Variants in SMARCD3 observed in about 807,000 individuals in gnomAD.
SMARCD3 encodes the protein SWI/SNF-related matrix-associated actin-dependent regulator of chromatin subfamily D member 3.
Under a neutral mutation model 58.0 loss-of-function variants are expected in SMARCD3, and 14 were observed. The observed-to-expected ratio is 0.24, with a 90% confidence interval of 0.16 to 0.38. SMARCD3 has a LOEUF of 0.38. SMARCD3 is among the 10% of genes least tolerant of loss of function. The pLI is 1.00. For synonymous variants in SMARCD3, 253 were observed against 253.8 expected, an observed-to-expected ratio of 1.00 and a Z score of 0.03; for missense variants, 408 against 636.9, an observed-to-expected ratio of 0.64 and a Z score of 3.87.
chr7:151,262,858 G>C (rs17173770), intron 2 of SMARCD3, among the ~76,000 whole-genome samples: 59,364 of 152,072 alleles, frequency 0.39, 13,129 homozygotes, highest in African/African-American at 0.6. Context: ...CCTCTGTGAA[G>C]GTCAGGGGAG....
At chr7:151,253,708 AT>A in intron 2 of SMARCD3, among the ~76,000 whole-genome samples, 1 of 152,242 alleles carries the variant, frequency 6.6e-6, no homozygotes, top group East Asian at 1.9e-4. Context: ...CACACACCCC[AT>A]AAAAACGTGC....
chr7:151,257,451 T>G (rs890499117), intron 2 of SMARCD3, among the ~76,000 whole-genome samples: 3 of 152,136 alleles, frequency 2.0e-5, no homozygotes, highest in Non-Finnish European at 4.4e-5. Flanking sequence ...CTCAGCCTCC[T>G]GAGTAGCTGG....
chr7:151,267,844 G>T lies in SMARCD3; in HGVS notation c.39+7270C>A, dbSNP rs1048536573. Reference sequence around the variant, plus strand: ...TTAAATATATTAGCCGGGTATGGTGGTGCACACCTGTAGTTCCAGCTACTT... The same window carrying T: ...TTAAATATATTAGCCGGGTATGGTGTTGCACACCTGTAGTTCCAGCTACTT... On this transcript the variant is annotated intron_variant, in intron 2 of 13. Transcript: ENST00000356800. 1.2e-4 allele frequency among the ~76,000 whole-genome samples: 18 copies of T among 152,136 alleles called. No homozygotes were observed. In the South Asian group the frequency reaches 1.2e-3, roughly 11 times the overall value.
At chr7:151,262,353 A>T (rs2150610207) in intron 2 of SMARCD3, among the ~76,000 whole-genome samples, 1 of 152,352 alleles carries the variant, frequency 6.6e-6, no homozygotes, top group South Asian at 2.1e-4. Context: ...GAGTGTTGGG[A>T]TTACAGGCGT....
chr7:151,273,958 C>T (rs1029274644), intron 2 of SMARCD3, among the ~76,000 whole-genome samples: 1 of 152,254 alleles, frequency 6.6e-6, no homozygotes, highest in African/African-American at 2.4e-5. Context: ...ATGAGTTCCT[C>T]TGCCCACTTC....
At chr7:151,264,986 T>C (rs1042456734) in intron 2 of SMARCD3, among the ~76,000 whole-genome samples, 2 of 152,172 alleles carry the variant, frequency 1.3e-5, no homozygotes, top group African/African-American at 4.8e-5. Context: ...CTTCCTGTGA[T>C]GGGGATAGCC....
chr7:151,242,354 T>C lies in SMARCD3; in HGVS notation c.580-122A>G. ...GATGAAATCCTCTGCACTTGGAATGTCTCTAGGCCTGCCCCTCCACCCAGC... is the reference window on the plus strand; with the variant it reads ...GATGAAATCCTCTGCACTTGGAATGCCTCTAGGCCTGCCCCTCCACCCAGC... On this transcript the variant is annotated intron_variant, in intron 5 of 12. Coordinates refer to ENST00000262188, the MANE Select transcript of SMARCD3 (RefSeq NM_001003801.2). The surrounding 1 kb of genome is among the most constrained non-coding windows in gnomAD (Gnocchi z 4.7). 13 of 1,440,926 alleles carry C rather than the reference T, an allele frequency of 9.0e-6. No individual in the cohort carries two copies. Among genetic ancestry groups the C allele is most frequent in the Non-Finnish European group, 1.3e-5 (13 of 1,033,236 alleles). 89.3% of individuals were successfully genotyped at this position (1,440,926 alleles called of 1,614,324 possible).
chr7:151,239,652 A>T lies in SMARCD3; in HGVS notation c.1268T>A (p.Leu423Gln). 1 of 1,614,094 alleles carries T rather than the reference A, an allele frequency of 6.2e-7. No homozygotes were observed. The highest frequency in any genetic ancestry group is 8.5e-7 in the Non-Finnish European group (1 of 1,180,026). ...GAGGTCCCGGCTCTGGGAGCGGAGC[A>T]GGTCTTGGACATAGCCTTTGGGGTC... ...SRDPKGYVQD[L>Q]LRSQSRDLKV... The change falls in exon 11 of 13, where the codon CTG becomes CAG. Residue 423 changes from leucine to glutamine, a missense_variant. Leu to Gln is a moderately radical substitution (Grantham distance 113). Coordinates refer to ENST00000262188, the MANE Select transcript of SMARCD3 (RefSeq NM_001003801.2). This position sits in a 1 kb window ranked among gnomAD's most constrained non-coding sequence, Gnocchi z 7.0.
chr7:151,270,591 A>G (rs1396530586), intron 2 of SMARCD3, among the ~76,000 whole-genome samples: 1 of 152,172 alleles, frequency 6.6e-6, no homozygotes, highest in Non-Finnish European at 1.5e-5. Flanking sequence ...CCTCCCTGGA[A>G]GAGGTGGAAC....
intron 2 of SMARCD3, among the ~76,000 whole-genome samples, chr7:151,268,104 G>T (rs1188449101): frequency 6.6e-6 from 1 of 152,240 alleles, no homozygotes; most frequent in Non-Finnish European, 1.5e-5. Context: ...GAGGACAGGG[G>T]ACAAGTGGCA....
chr7:151,261,569 A>G (rs1314874466), intron 2 of SMARCD3, among the ~76,000 whole-genome samples: 1 of 152,232 alleles, frequency 6.6e-6, no homozygotes, highest in Admixed American at 6.5e-5. Flanking sequence ...AATTCAGCAC[A>G]GTGCCTGGCA....
chr7:151,265,344 G>T (rs1415060856), intron 2 of SMARCD3, among the ~76,000 whole-genome samples: 1 of 152,214 alleles, frequency 6.6e-6, no homozygotes, highest in Non-Finnish European at 1.5e-5. Context: ...TTCTAGCCAA[G>T]GAGAGAGGCC....
chr7:151,245,685 G>A lies in SMARCD3; in HGVS notation c.79-14C>T, dbSNP rs1803225530. 1 of 846,372 alleles carries A rather than the reference G, an allele frequency of 1.2e-6. No homozygotes were observed. Among genetic ancestry groups the A allele is most frequent in the Non-Finnish European group, 1.6e-6 (1 of 636,610 alleles). The allele number at this position is 846,372 out of a possible 1,614,324, so 52.4% of individuals were successfully genotyped here. ...CATCCCGGGGCGCTGGGGGTGGGCGGGGGTGAAGCAGAAACGGGCGCCCGT... is the reference window on the plus strand; with the variant it reads ...CATCCCGGGGCGCTGGGGGTGGGCGAGGGTGAAGCAGAAACGGGCGCCCGT... On this transcript the variant is annotated splice_polypyrimidine_tract_variant and intron_variant, in intron 1 of 12. Coordinates refer to ENST00000262188, the MANE Select transcript of SMARCD3 (RefSeq NM_001003801.2). The surrounding 1 kb of genome is among the most constrained non-coding windows in gnomAD (Gnocchi z 6.2).
At chr7:151,269,512 G>C (rs1159704109) in intron 2 of SMARCD3, among the ~76,000 whole-genome samples, 2 of 152,222 alleles carry the variant, frequency 1.3e-5, no homozygotes, top group Non-Finnish European at 2.9e-5. Flanking sequence ...GACTGCATCA[G>C]GCTGGATGGG....
intron 2 of SMARCD3, among the ~76,000 whole-genome samples, chr7:151,244,188 G>A (rs1363692985): frequency 2.6e-5 from 4 of 152,220 alleles, no homozygotes; most frequent in East Asian, 3.9e-4. Context: ...TGAAGCTGGC[G>A]GGACTTGCAC....
intron 2 of SMARCD3, among the ~76,000 whole-genome samples, chr7:151,260,217 C>T (rs1415245609): frequency 6.6e-6 from 1 of 152,162 alleles, no homozygotes; most frequent in Non-Finnish European, 1.5e-5. Flanking sequence ...AGCTTGCCTG[C>T]TGGGGGTAGT....
chr7:151,271,836 C>T (rs1242054511), intron 2 of SMARCD3, among the ~76,000 whole-genome samples: 2 of 152,080 alleles, frequency 1.3e-5, no homozygotes, highest in Non-Finnish European at 2.9e-5. Flanking sequence ...GTGGCTTACG[C>T]TTGTAGTCCC....
intron 2 of SMARCD3, among the ~76,000 whole-genome samples, chr7:151,244,055 A>C (rs1218654474): frequency 6.6e-6 from 1 of 152,152 alleles, no homozygotes; most frequent in Non-Finnish European, 1.5e-5. Flanking sequence ...GACAAAGGAG[A>C]GGGAAGCCAG....
chr7:151,268,553 G>A (rs556336018), intron 2 of SMARCD3, among the ~76,000 whole-genome samples: 10 of 152,296 alleles, frequency 6.6e-5, no homozygotes, highest in African/African-American at 1.9e-4. Flanking sequence ...AGGGGTGGCT[G>A]TCTTGTCTCT....
Sources: allele counts gnomAD v4.1 joint callset (sites outside exome capture counted in the v4.1 genomes callset), GRCh38; gene constraint gnomAD v4.1.1; non-coding constraint Gnocchi (gnomAD v3.1); transcripts MANE v1.5; gene names NCBI Gene and HGNC (gene_info 2026-07-23, HGNC 2026-07-21).